The following BSN variants were observed in gnomAD, a reference collection of about 807,000 sequenced individuals.
The protein encoded by BSN is protein bassoon.
Under a neutral mutation model 264.8 loss-of-function variants are expected in BSN, and 57 were observed. The ratio of observed to expected loss-of-function variants is 0.22; its 90% CI spans 0.17 to 0.27. BSN has a LOEUF of 0.27. Among genes scored for constraint, BSN ranks in the 10% least tolerant of loss-of-function variants. The pLI is 1.00. For missense variants in BSN, 4,615 were observed against 5,232.5 expected, an observed-to-expected ratio of 0.88 and a Z score of 3.64; for synonymous variants, 2,059 against 2,137.3, an observed-to-expected ratio of 0.96 and a Z score of 1.01.
chr3:49,657,412 G>A lies in BSN; in HGVS notation c.7856G>A (p.Ser2619Asn), dbSNP rs2052617397. 6.2e-7 allele frequency: 1 copy of A among 1,613,178 alleles called. No homozygotes were observed. The highest frequency in any genetic ancestry group is 8.5e-7 in the Non-Finnish European group (1 of 1,180,004). The change falls in exon 5 of 12, where the codon AGT becomes AAT. Residue 2619 changes from serine (S) to asparagine (N), a missense_variant. Physicochemically the swap from Ser to Asn is conservative, Grantham distance 46. This residue lies in a region of BSN where 3,415 missense variants were observed against 3,866.4 expected (regional missense o/e 0.88). Coordinates refer to ENST00000296452, the MANE Select transcript of BSN (RefSeq NM_003458.4). ...AGTGTGCAGACGGACGACGAAGACAGTGCTGAGTGGGAGCAGCCAGTGCGC... is the reference window on the plus strand; with the variant it reads ...AGTGTGCAGACGGACGACGAAGACAATGCTGAGTGGGAGCAGCCAGTGCGC... Reference protein sequence around the residue: ...DCSVQTDDEDSAEWEQPVRRR... With the variant: ...DCSVQTDDEDNAEWEQPVRRR...
At chr3:49,556,501 A>G (rs549817662) in intron 1 of BSN, among the ~76,000 whole-genome samples, 7 of 152,286 alleles carry the variant, frequency 4.6e-5, no homozygotes, top group South Asian at 2.1e-4. Context: ...TAGTCACACA[A>G]TCTCTTACCT....
chr3:49,606,587 G>A (rs2052154391), intron 1 of BSN, among the ~76,000 whole-genome samples: 1 of 151,782 alleles, frequency 6.6e-6, no homozygotes, highest in Admixed American at 6.6e-5. Flanking sequence ...CCCAGTGCCA[G>A]GGACCGTGAA....
At chr3:49,622,628 A>T (rs891692931) in intron 1 of BSN, among the ~76,000 whole-genome samples, 1 of 152,246 alleles carries the variant, frequency 6.6e-6, no homozygotes, top group Non-Finnish European at 1.5e-5. Flanking sequence ...GCCCATTCAC[A>T]TGTTGTAAAA....
chr3:49,556,248 A>G (rs2051670769), intron 1 of BSN, among the ~76,000 whole-genome samples: 1 of 152,202 alleles, frequency 6.6e-6, no homozygotes, highest in Admixed American at 6.5e-5. Flanking sequence ...TGTATGGGGA[A>G]TTTGTCATTT....
intron 1 of BSN, among the ~76,000 whole-genome samples, chr3:49,563,150 G>A (rs1182035554): frequency 1.3e-5 from 2 of 152,190 alleles, no homozygotes; most frequent in Non-Finnish European, 2.9e-5. Flanking sequence ...CTTCCATTGT[G>A]TGGCAGAGAT....
chr3:49,653,806 A>G lies in BSN; in HGVS notation c.4250A>G (p.His1417Arg), dbSNP rs1166444473. The part of the protein sequence containing the change: ...ERSPSPSSTA[H>R]SYGHSPTTAN... ...AGTCCTTCACCATCTTCCACAGCCC[A>G]CAGCTATGGACACAGCCCAACCACT... Residue 1417 changes from histidine to arginine, a missense_variant, in exon 5 of 12, where the codon CAC becomes CGC. His to Arg is a conservative substitution (Grantham distance 29). Transcript: ENST00000296452. This position sits in a 1 kb window ranked among gnomAD's most constrained non-coding sequence, Gnocchi z 6.3. The G allele has an allele frequency of 6.2e-6, 10 of 1,613,908 alleles. No individual in the cohort carries two copies. The African/African-American group carries it at 1.3e-4, about 22-fold the overall frequency.
At chr3:49,562,207 G>A (rs903341123) in intron 1 of BSN, among the ~76,000 whole-genome samples, 1 of 152,078 alleles carries the variant, frequency 6.6e-6, no homozygotes, top group Admixed American at 6.6e-5. Flanking sequence ...TTTGTGTATG[G>A]GAGTGTTTGT....
intron 1 of BSN, among the ~76,000 whole-genome samples, chr3:49,617,680 G>C (rs1215455873): frequency 6.6e-6 from 1 of 152,164 alleles, no homozygotes; most frequent in African/African-American, 2.4e-5. Context: ...CTCTTAAGAA[G>C]AGCCTCCTGG....
rs2052569276 is a variant in BSN at position 49,653,972 on chromosome 3, C to T, written c.4416C>T (p.Tyr1472=). 6.2e-7 allele frequency: 1 copy of T among 1,613,982 alleles called. No homozygotes were observed. The highest frequency in any genetic ancestry group is 1.7e-5 in the Admixed American group (1 of 60,010). The stretch of plus-strand genomic sequence containing the variant: ...CTCAGCCTTCCCGGGCATATTCCTA[C>T]TTTGCAAGCTCCAGCCCACCTCTCT... ...GTPQPSRAYS[Y]FASSSPPLSP... is the part of the protein sequence containing the mutation. Residue 1472 remains tyrosine, a synonymous_variant, in exon 5 of 12, where the codon TAC becomes TAT. Coordinates refer to ENST00000296452, the MANE Select transcript of BSN (RefSeq NM_003458.4). The surrounding 1 kb of genome is among the most constrained non-coding windows in gnomAD (Gnocchi z 6.3).
intron 1 of BSN, among the ~76,000 whole-genome samples, chr3:49,578,295 T>TA (rs2051862389): frequency 6.6e-6 from 1 of 152,182 alleles, no homozygotes; most frequent in Non-Finnish European, 1.5e-5. Context: ...CCTGGCTAGT[T>TA]ACTCTTTTAA....
chr3:49,566,485 G>T (rs980762013), intron 1 of BSN, among the ~76,000 whole-genome samples: 21 of 152,126 alleles, frequency 1.4e-4, no homozygotes, highest in Non-Finnish European at 5.9e-5. Context: ...CTACTTTAGT[G>T]ATGAAAAGAT....
At chr3:49,559,217 G>A (rs961994871) in intron 1 of BSN, among the ~76,000 whole-genome samples, 3 of 152,148 alleles carry the variant, frequency 2.0e-5, no homozygotes, top group African/African-American at 7.2e-5. Context: ...ATGAGCCACT[G>A]TGCCTGGCCG....
chr3:49,663,515 G>A lies in BSN; in HGVS notation c.11357G>A (p.Gly3786Glu). 1 of 1,612,782 alleles carries A rather than the reference G, an allele frequency of 6.2e-7. No homozygotes were observed. Among genetic ancestry groups the A allele is most frequent in the Non-Finnish European group, 8.5e-7 (1 of 1,179,918 alleles). Residue 3786 changes from glycine (G) to glutamate (E), a missense_variant, in exon 7 of 12, where the codon GGG becomes GAG. By Grantham distance (98) the Gly-to-Glu change is moderately conservative. Transcript: ENST00000296452. ...ACACAGCAGCAGCAGCAAGGTCTTG[G>A]GCTGCAGCCCCCACAGCAGGCTCTG... Reference protein sequence around the residue: ...PQTQQQQQGLGLQPPQQALTQ... With the variant: ...PQTQQQQQGLELQPPQQALTQ...
chr3:49,569,964 C>T (rs1000271185), intron 1 of BSN, among the ~76,000 whole-genome samples: 2 of 152,134 alleles, frequency 1.3e-5, no homozygotes, highest in African/African-American at 4.8e-5. Context: ...TCTGGGGCTG[C>T]TGCTCTGGGG....
At chr3:49,560,365 C>T (rs1381221849) in intron 1 of BSN, among the ~76,000 whole-genome samples, 1 of 152,198 alleles carries the variant, frequency 6.6e-6, no homozygotes, top group Non-Finnish European at 1.5e-5. Flanking sequence ...GCAGTTATGA[C>T]TACCATTACT....
chr3:49,645,041 TC>T (rs1400622212), intron 3 of BSN, among the ~76,000 whole-genome samples: 1 of 152,028 alleles, frequency 6.6e-6, no homozygotes, highest in Admixed American at 6.5e-5. Flanking sequence ...TGGCCGGTGT[TC>T]CCCCCATCAC....
At chr3:49,597,293 A>AT (rs1277094154) in intron 1 of BSN, among the ~76,000 whole-genome samples, 6 of 151,870 alleles carry the variant, frequency 4.0e-5, no homozygotes, top group African/African-American at 1.5e-4. Flanking sequence ...CAAATGTAGG[A>AT]TTTTTTTCAT....
rs1027287582 is a variant in BSN, at chr3:49,653,839, A to G, written c.4283A>G (p.Tyr1428Cys). 8.1e-6 allele frequency: 13 copies of G among 1,613,916 alleles called. No homozygotes were observed. Among genetic ancestry groups the G allele is most frequent in the Non-Finnish European group, 1.0e-5 (12 of 1,179,966 alleles). The change falls in exon 5 of 12, where the codon TAT becomes TGT. Residue 1428 changes from tyrosine (Y) to cysteine (C), a missense_variant. Tyr to Cys is a radical substitution (Grantham distance 194). This residue lies in a region of BSN where 3,415 missense variants were observed against 3,866.4 expected (regional missense o/e 0.88). Coordinates refer to ENST00000296452, the MANE Select transcript of BSN (RefSeq NM_003458.4). This position sits in a 1 kb window ranked among gnomAD's most constrained non-coding sequence, Gnocchi z 6.3. Reference sequence around the variant, plus strand: ...GGACACAGCCCAACCACTGCAAACTATGGGTCCCAAACTGAGGATCTACCC... The same window carrying G: ...GGACACAGCCCAACCACTGCAAACTGTGGGTCCCAAACTGAGGATCTACCC... ...SYGHSPTTAN[Y>C]GSQTEDLPQA... is the part of the protein sequence containing the mutation.
At position 49,568,492 on chromosome 3, in the gene BSN, G is replaced by A. The variant is rs574768326; in HGVS notation, c.224+13666G>A. ...CAGTTTTTATCAGATTTTTCCCACT[G>A]TTTCTTTTTGCAAATTTAAGGGAAA... On this transcript the variant is annotated intron_variant, in intron 1 of 11. Coordinates refer to ENST00000296452, the MANE Select transcript of BSN (RefSeq NM_003458.4). 2.6e-5 allele frequency among the ~76,000 whole-genome samples: 4 copies of A among 152,036 alleles called. 1 individual carries two copies. Among genetic ancestry groups the A allele is most frequent in the African/African-American group, 9.6e-5 (4 of 41,470 alleles).
Sources: gnomAD v4.1 joint callset for allele counts (sites outside exome capture counted in the v4.1 genomes callset) on GRCh38, gnomAD v4.1.1 for gene constraint, gnomAD v4.1.1 regional missense constraint, Gnocchi (gnomAD v3.1) non-coding constraint, MANE v1.5 for transcripts, NCBI Gene and HGNC (gene_info 2026-07-23, HGNC 2026-07-21) for gene names.